MAP2K2: variants seen among roughly 807,000 people sequenced by gnomAD.
The protein encoded by MAP2K2 is dual specificity mitogen-activated protein kinase kinase 2.
Under a neutral mutation model 43.7 loss-of-function variants are expected in MAP2K2, and 24 were observed. The observed-to-expected ratio is 0.55, with a 90% CI of 0.40 to 0.77. The LOEUF (loss-of-function observed/expected upper bound fraction) is 0.77, where lower values mean the gene tolerates loss of function less well. MAP2K2 is among the 30% of genes least tolerant of loss of function. The pLI, the probability that MAP2K2 is intolerant of heterozygous loss-of-function variation, is 0.00. For missense variants in MAP2K2, 470 were observed against 566.8 expected (o/e 0.83, Z 1.73); for synonymous variants, 244 against 239.7 (o/e 1.02, Z -0.17).
At chr19:4,100,686 G>C (rs2040993753) in intron 6 of MAP2K2, 1 of 406,016 alleles carries the variant, frequency 2.5e-6, no homozygotes, top group Non-Finnish European at 4.5e-6. Context: ...AAAAAATAAA[G>C]AGCAAGGGGA....
At chr19:4,113,335 T>C (rs927796924) in intron 2 of MAP2K2, among the ~76,000 whole-genome samples, 2 of 152,106 alleles carry the variant, frequency 1.3e-5, no homozygotes, top group African/African-American at 4.8e-5. Context: ...GGTTCTGTAA[T>C]ACCTGGGGCC....
rs187797652 is a variant in MAP2K2, at chr19:4,100,736, G to A, written c.705+283C>T. On this transcript the variant is annotated intron_variant, in intron 6 of 10. Coordinates refer to ENST00000262948, the MANE Select transcript of MAP2K2 (RefSeq NM_030662.4). ...CTCCCAGGAGGCACCAGCTTTAGAC[G>A]TGCCTTGTGGCAAGTGGGGAGAGCT... The A allele has an allele frequency of 2.8e-4, 152 of 536,350 alleles. 1 individual carries two copies. In the Middle Eastern group the frequency reaches 4.5e-3, roughly 16 times the overall value. 33.2% of individuals were successfully genotyped at this position (536,350 alleles called of 1,614,324 possible). A position where few individuals can be genotyped will look rare whatever the true frequency, so the allele number is the denominator to read the frequency against.
chr19:4,102,879 C>G (rs1008497131), intron 3 of MAP2K2: 7 of 1,169,104 alleles, frequency 6.0e-6, no homozygotes, highest in Admixed American at 3.8e-5. Flanking sequence ...CTTGGGCCTG[C>G]GTCCTCTTCC....
intron 6 of MAP2K2, chr19:4,100,668 T>C: frequency 3.1e-6 from 1 of 322,082 alleles, no homozygotes; most frequent in Non-Finnish European, 5.9e-6. Flanking sequence ...ATTAGTAAAT[T>C]AACAAATAAA....
intron 1 of MAP2K2, among the ~76,000 whole-genome samples, chr19:4,122,978 T>C (rs1367874962): frequency 7.2e-6 from 1 of 139,086 alleles, no homozygotes; most frequent in Non-Finnish European, 1.6e-5. Context: ...CTTGCCCAGA[T>C]TTCCTCCTCA....
chr19:4,095,810 T>C (rs1197954389), intron 8 of MAP2K2, among the ~76,000 whole-genome samples: 1 of 152,238 alleles, frequency 6.6e-6, no homozygotes, highest in Admixed American at 6.5e-5. Flanking sequence ...AGTCTCGCTC[T>C]GTTGCCCAGG....
chr19:4,117,925 C>T lies in MAP2K2; in HGVS notation c.93-296G>A, dbSNP rs546220264. On this transcript the variant is annotated intron_variant, in intron 1 of 10. Coordinates refer to ENST00000262948, the MANE Select transcript of MAP2K2 (RefSeq NM_030662.4). ...CAGCTCAAAGGACCCAGGAAGCCTC[C>T]GTCTTTTTCTTTTCTTTTTCTTTTT... is the stretch of plus-strand genomic sequence containing the variant. Among the ~76,000 whole-genome samples the T allele has an allele frequency of 7.9e-5, 12 of 152,152 alleles. No homozygotes were observed. The East Asian group carries it at 1.4e-3, about 17-fold the overall frequency.
rs1568258865 is a variant in MAP2K2 at position 4,108,837 on chromosome 19, AC to A, written c.450+1671del. Among the ~76,000 whole-genome samples the A allele has an allele frequency of 4.8e-3, 731 of 152,188 alleles. 3 individuals carry two copies. The highest frequency in any genetic ancestry group is 0.017 in the African/African-American group (704 of 41,504). ...GCCGGGCGCGAGGAGGAGGGGGAAG[AC>A]GAGGAAGACGAGGAGGAGGAATAGG... On this transcript the variant is annotated intron_variant, in intron 3 of 10. Transcript: ENST00000262948.
chr19:4,097,493 G>T, intron 7 of MAP2K2, 150 bp from the exon 8 acceptor site: 1 of 668,024 alleles, frequency 1.5e-6, no homozygotes, highest in Non-Finnish European at 2.7e-6. Flanking sequence ...ACTGGACAAA[G>T]CTCCCCTGCC....
At chr19:4,103,066 GA>G in intron 3 of MAP2K2, 1 of 1,023,634 alleles carries the variant, frequency 9.8e-7, no homozygotes, top group South Asian at 3.9e-5. Flanking sequence ...ACCTAGGGCA[GA>G]AAGGCCAGGC....
intron 6 of MAP2K2, chr19:4,100,691 A>G: frequency 2.4e-6 from 1 of 424,942 alleles, no homozygotes; most frequent in Non-Finnish European, 4.3e-6. Context: ...ATAAAGAGCA[A>G]GGGGAATCCG....
intron 7 of MAP2K2, among the ~76,000 whole-genome samples, chr19:4,098,084 G>A (rs2040946769): frequency 1.3e-5 from 2 of 152,204 alleles, no homozygotes; most frequent in South Asian, 4.1e-4. Flanking sequence ...ACAAAACGTG[G>A]CCTGTTCGTG....
chr19:4,090,340 T>G lies in MAP2K2; in HGVS notation c.*258A>C, dbSNP rs1372094755. 4 of 585,110 alleles carry G rather than the reference T, an allele frequency of 6.8e-6. No individual in the cohort carries two copies. The highest frequency in any genetic ancestry group is 1.2e-5 in the Non-Finnish European group (4 of 326,548). The allele number at this position is 585,110 out of a possible 1,614,324, so 36.2% of individuals were successfully genotyped here. The stretch of plus-strand genomic sequence containing the variant: ...GCGCGGTTTGCTTTTTCTCTCCCTG[T>G]TTTGTTTTGTAACCTAAGGAAGCAG... On this transcript the variant is annotated 3_prime_UTR_variant, in exon 11 of 11. Coordinates refer to ENST00000262948, the MANE Select transcript of MAP2K2 (RefSeq NM_030662.4).
At chr19:4,116,103 C>G (rs1024385562) in intron 2 of MAP2K2, among the ~76,000 whole-genome samples, 2 of 152,166 alleles carry the variant, frequency 1.3e-5, no homozygotes, top group Non-Finnish European at 2.9e-5. Flanking sequence ...GCCCAGTTGT[C>G]AAACGCCAGT....
At chr19:4,111,362 T>C (rs899517250) in intron 2 of MAP2K2, among the ~76,000 whole-genome samples, 3 of 152,290 alleles carry the variant, frequency 2.0e-5, no homozygotes, top group Admixed American at 6.5e-5. Context: ...TAGTGGGAGC[T>C]GTGTGAAAGC....
rs370921720 is a variant in MAP2K2, at chr19:4,101,214, C to T, written c.580+15G>A. The stretch of plus-strand genomic sequence containing the variant: ...CCGGCCCCCGGGGCTCTGGGGAGGG[C>T]GGGCTGGGCCTTACCTCGGTGCATG... On this transcript the variant is annotated intron_variant, in intron 5 of 10. Transcript: ENST00000262948. The surrounding 1 kb of genome is among the most constrained non-coding windows in gnomAD (Gnocchi z 6.3). The T allele has an allele frequency of 2.4e-4, 160 of 662,694 alleles. No individual in the cohort carries two copies. In the East Asian group the frequency reaches 3.1e-3, roughly 13 times the overall value. 41.1% of individuals were successfully genotyped at this position (662,694 alleles called of 1,614,324 possible).
chr19:4,107,451 G>A (rs1232534811), intron 3 of MAP2K2, among the ~76,000 whole-genome samples: 2 of 150,874 alleles, frequency 1.3e-5, no homozygotes, highest in Non-Finnish European at 2.9e-5. Flanking sequence ...GTGAACCTGG[G>A]AGGTGGAGCT....
At chr19:4,093,851 G>A (rs2145040883) in intron 10 of MAP2K2, among the ~76,000 whole-genome samples, 1 of 152,304 alleles carries the variant, frequency 6.6e-6, no homozygotes, top group South Asian at 2.1e-4. Flanking sequence ...CGAGGGGTTT[G>A]AAGGTCGCTG....
At chr19:4,095,502 C>G in intron 8 of MAP2K2, 53 bp from the exon 9 acceptor site, 1 of 1,457,442 alleles carries the variant, frequency 6.9e-7, no homozygotes, top group Non-Finnish European at 9.4e-7. Context: ...CAGGGACCCT[C>G]GGCTGCAGCC....
Sources: gnomAD v4.1 joint callset for allele counts (sites outside exome capture counted in the v4.1 genomes callset) on GRCh38, gnomAD v4.1.1 for gene constraint, Gnocchi (gnomAD v3.1) non-coding constraint, MANE v1.5 for transcripts, NCBI Gene and HGNC (gene_info 2026-07-23, HGNC 2026-07-21) for gene names.